The following GREB1L variants were observed in gnomAD, a reference collection of about 807,000 sequenced individuals.
The protein encoded by GREB1L is GREB1 like retinoic acid receptor coactivator.
In GREB1L, 17 loss-of-function variants were observed where a neutral mutation model predicts 200.8. The observed-to-expected ratio is 0.08, with a 90% CI of 0.06 to 0.13. The LOEUF (loss-of-function observed/expected upper bound fraction) is 0.13. GREB1L is among the 10% of genes least tolerant of loss of function. The pLI, the probability that GREB1L is intolerant of heterozygous loss-of-function variation, is 1.00. For synonymous variants in GREB1L, 789 were observed against 893.0 expected (o/e 0.88, Z 2.08); for missense variants, 1,657 against 2,367.7 (o/e 0.70, Z 6.23).
intron 1 of GREB1L, among the ~76,000 whole-genome samples, chr18:21,260,915 C>T (rs1194060288): frequency 6.6e-6 from 1 of 151,564 alleles, no homozygotes; most frequent in Non-Finnish European, 1.5e-5. Context: ...ATACTAAAAT[C>T]GGTTTTATAC....
At chr18:21,496,404 T>C (rs751616729) in intron 20 of GREB1L, 50 bp from the exon 21 acceptor site, 4 of 1,544,380 alleles carry the variant, frequency 2.6e-6, no homozygotes, top group African/African-American at 1.4e-5. Flanking sequence ...ACATACACAC[T>C]GCGTGCCTGG....
intron 1 of GREB1L, among the ~76,000 whole-genome samples, chr18:21,301,158 G>T (rs2038611168): frequency 6.6e-6 from 1 of 152,202 alleles, no homozygotes; most frequent in Admixed American, 6.5e-5. Flanking sequence ...TAATGTAACT[G>T]ACTGAGATAA....
Position 21,321,867 on chromosome 18 carries a change from G to T in GREB1L, c.-119-44160G>T, listed in dbSNP as rs1019849318. Among the ~76,000 whole-genome samples the T allele has an allele frequency of 1.4e-4, 22 of 152,040 alleles. 1 individual carries two copies. Among genetic ancestry groups the T allele is most frequent in the Admixed American group, 7.2e-4 (11 of 15,250 alleles). ...TCTTGGTTAAAATTTCCTTAAAAAA[G>T]TAACAAAAGATGGATGTTTCTTTTG... On this transcript the variant is annotated intron_variant, in intron 1 of 32. Coordinates refer to ENST00000424526, the MANE Select transcript of GREB1L (RefSeq NM_001142966.3).
chr18:21,290,068 G>T (rs763618449), intron 1 of GREB1L, among the ~76,000 whole-genome samples: 48 of 152,202 alleles, frequency 3.2e-4, no homozygotes, highest in Admixed American at 7.2e-4. Context: ...ATGCTATGCT[G>T]TTACTTGGCT....
intron 7 of GREB1L, among the ~76,000 whole-genome samples, chr18:21,412,183 A>C (rs1323406874): frequency 6.6e-6 from 1 of 151,188 alleles, no homozygotes; most frequent in Non-Finnish European, 1.5e-5. Context: ...GGATTGCTTG[A>C]GCTCAGGAGT....
At chr18:21,505,298 A>C (rs747128554) in intron 23 of GREB1L, 114 bp from the exon 24 acceptor site, 32 of 936,904 alleles carry the variant, frequency 3.4e-5, no homozygotes, top group Non-Finnish European at 3.8e-5. Flanking sequence ...CTCATTTTTC[A>C]GAAATGCCTT....
At position 21,477,372 on chromosome 18, in the gene GREB1L, G is replaced by T. The variant is rs371821084; in HGVS notation, c.2556+16G>T. 1.7e-5 allele frequency: 26 copies of T among 1,528,274 alleles called. 1 individual carries two copies. The African/African-American group carries it at 3.6e-4, about 21-fold the overall frequency. 94.7% of individuals were successfully genotyped at this position (1,528,274 alleles called of 1,614,324 possible). A position where few individuals can be genotyped will look rare whatever the true frequency, so the allele number is the denominator to read the frequency against. On this transcript the variant is annotated intron_variant, in intron 17 of 32. Transcript: ENST00000424526. ...GGATACTGGGGTGAGTCTCTTGCCT[G>T]CTGTCTGATACACTGTCATGTTCTC...
intron 1 of GREB1L, among the ~76,000 whole-genome samples, chr18:21,245,740 C>G (rs2037586935): frequency 6.7e-6 from 1 of 148,248 alleles, no homozygotes; most frequent in African/African-American, 2.6e-5. Flanking sequence ...TTGTTTGAGA[C>G]GAAGTCTTGC....
chr18:21,249,892 G>T (rs1345879196), intron 1 of GREB1L, among the ~76,000 whole-genome samples: 1 of 151,526 alleles, frequency 6.6e-6, no homozygotes, highest in Admixed American at 6.6e-5. Flanking sequence ...AAATATCTCT[G>T]TTCTCAGGAG....
At chr18:21,406,875 C>CTTT (rs369137235) in intron 7 of GREB1L, among the ~76,000 whole-genome samples, 7 of 131,944 alleles carry the variant, frequency 5.3e-5, no homozygotes, top group Non-Finnish European at 6.3e-5. Flanking sequence ...CATTTTCTTC[C>CTTT]TTTTTTTTTT....
chr18:21,397,727 G>T (rs1322914956), intron 5 of GREB1L, among the ~76,000 whole-genome samples: 1 of 152,070 alleles, frequency 6.6e-6, no homozygotes, highest in African/African-American at 2.4e-5. Flanking sequence ...TTTTCACTTT[G>T]TTTAGTGAAA....
At chr18:21,489,890 C>T in intron 18 of GREB1L, 122 bp from the exon 19 acceptor site, 1 of 685,164 alleles carries the variant, frequency 1.5e-6, no homozygotes, top group East Asian at 2.7e-5. Flanking sequence ...AGAACTAAAG[C>T]CCCACCACAC....
chr18:21,520,454 TTTA>T (rs2037571356), intron 31 of GREB1L, among the ~76,000 whole-genome samples: 1 of 152,254 alleles, frequency 6.6e-6, no homozygotes, highest in East Asian at 1.9e-4. Flanking sequence ...CTAATAGTCC[TTTA>T]TTATGAAACA....
intron 12 of GREB1L, 180 bp from the exon 13 acceptor site, chr18:21,450,843 G>GT (rs1316094978): frequency 7.3e-6 from 4 of 546,168 alleles, no homozygotes; most frequent in Non-Finnish European, 9.6e-6. Context: ...TCTGTCTAGA[G>GT]TCAGAATTGA....
At chr18:21,305,712 T>G (rs2038688137) in intron 1 of GREB1L, among the ~76,000 whole-genome samples, 1 of 152,236 alleles carries the variant, frequency 6.6e-6, no homozygotes, top group African/African-American at 2.4e-5. Context: ...CCCATCACTC[T>G]TGGAACAAAA....
intron 15 of GREB1L, among the ~76,000 whole-genome samples, chr18:21,455,458 G>T (rs1247300425): frequency 6.6e-6 from 1 of 152,088 alleles, no homozygotes; most frequent in Non-Finnish European, 1.5e-5. Context: ...AAGGCGGGTG[G>T]ATCACTTGAG....
At chr18:21,418,933 T>C (rs1316852318) in intron 7 of GREB1L, among the ~76,000 whole-genome samples, 1 of 152,240 alleles carries the variant, frequency 6.6e-6, no homozygotes, top group Non-Finnish European at 1.5e-5. Context: ...TGGTCAGTGA[T>C]GGACCTCGTA....
intron 1 of GREB1L, among the ~76,000 whole-genome samples, chr18:21,325,493 A>G (rs1216401350): frequency 2.6e-5 from 4 of 152,100 alleles, no homozygotes; most frequent in African/African-American, 7.2e-5. Context: ...GTACAGGTAT[A>G]TATTTTTTTT....
intron 7 of GREB1L, among the ~76,000 whole-genome samples, chr18:21,411,509 T>C (rs767189826): frequency 1.3e-5 from 2 of 151,878 alleles, no homozygotes; most frequent in Non-Finnish European, 2.9e-5. Flanking sequence ...CCCAGCCAGA[T>C]GTTGGCAAGG....
Sources: gnomAD v4.1 joint callset for allele counts (sites outside exome capture counted in the v4.1 genomes callset) on GRCh38, gnomAD v4.1.1 for gene constraint, MANE v1.5 for transcripts, NCBI Gene and HGNC (gene_info 2026-07-23, HGNC 2026-07-21) for gene names.